Variants in RBBP5 observed in about 807,000 individuals in gnomAD.
The protein encoded by RBBP5 is retinoblastoma-binding protein 5.
Under a neutral mutation model 72.2 loss-of-function variants are expected in RBBP5, and 5 were observed. The observed-to-expected ratio is 0.07, with a 90% CI of 0.04 to 0.15. RBBP5 has a LOEUF of 0.15. Ranked by LOEUF, RBBP5 falls within the 10% of genes least tolerant of loss-of-function variation. RBBP5 has a pLI of 1.00. For synonymous variants in RBBP5, 209 were observed against 237.2 expected (o/e 0.88, Z 1.09); for missense variants, 322 against 652.2 (o/e 0.49, Z 5.51).
At position 205,093,552 on chromosome 1, in the gene RBBP5, A is replaced by ACG. The variant is rs1553352186; in HGVS notation, c.1588+1320_1588+1321insCG. Among the ~76,000 whole-genome samples, 464 of 66,350 alleles carry ACG rather than the reference A, an allele frequency of 7.0e-3. 107 individuals are homozygous for ACG. Among genetic ancestry groups the ACG allele is most frequent in the Non-Finnish European group, 0.015 (334 of 22,646 alleles). The allele number at this position is 66,350 out of a possible 152,430, so 43.5% of individuals were successfully genotyped here. ...TATATATACACACACACACACACAC[A>ACG]CACACACACACACACACAGCATTAT... On this transcript the variant is annotated intron_variant, in intron 13 of 13. Coordinates refer to ENST00000264515, the MANE Select transcript of RBBP5 (RefSeq NM_005057.4).
intron 3 of RBBP5, among the ~76,000 whole-genome samples, chr1:205,109,717 ATTC>A (rs1656229350): frequency 6.6e-6 from 1 of 152,366 alleles, no homozygotes; most frequent in South Asian, 2.1e-4. Flanking sequence ...AAAAAAATTT[ATTC>A]TTCAATTCCA....
At chr1:205,117,803 T>C (rs555337186) in intron 1 of RBBP5, among the ~76,000 whole-genome samples, 27 of 152,144 alleles carry the variant, frequency 1.8e-4, no homozygotes, top group Admixed American at 1.5e-3. Context: ...TGTACATATA[T>C]ATATATCCAT....
In RBBP5 at chr1:205,095,039, C is replaced by T. The variant is rs368515846; in HGVS notation, c.1422G>A (p.Lys474=). ...GCTTCTTCTTGGATTTGCCATCCCC[C>T]TTCACACCCAGTAGTGGATGGACTT... ...NDEVHPLLGV[K]GDGKSKKKQA... is the part of the protein sequence containing the mutation. The change falls in exon 13 of 14, where the codon AAG becomes AAA. Residue 474 remains lysine, a synonymous_variant. Coordinates refer to ENST00000264515, the MANE Select transcript of RBBP5 (RefSeq NM_005057.4). 1.9e-6 allele frequency: 3 copies of T among 1,614,010 alleles called. No homozygotes were observed. The highest frequency in any genetic ancestry group is 2.5e-6 in the Non-Finnish European group (3 of 1,180,024).
chr1:205,104,092 G>A lies in RBBP5; in HGVS notation c.360-73C>T, dbSNP rs2102294863. The A allele has an allele frequency of 8.5e-6, 13 of 1,526,710 alleles. No individual in the cohort carries two copies. The South Asian group carries it at 1.4e-4, about 17-fold the overall frequency. 94.6% of individuals were successfully genotyped at this position (1,526,710 alleles called of 1,614,324 possible). A position where few individuals can be genotyped will look rare whatever the true frequency, so the allele number is the denominator to read the frequency against. On this transcript the variant is annotated intron_variant, in intron 4 of 13. Coordinates refer to ENST00000264515, the MANE Select transcript of RBBP5 (RefSeq NM_005057.4). ...AAGCTGATTCCCTGTCCTTTTCCCT[G>A]ATCCCTGTCCATACCCTCATCAATT...
chr1:205,105,184 G>GAAAAAAAAA lies in RBBP5; in HGVS notation c.219-17_219-16insTTTTTTTTT. 4 of 1,603,946 alleles carry GAAAAAAAAA rather than the reference G, an allele frequency of 2.5e-6. No individual in the cohort carries two copies. In the South Asian group the frequency reaches 4.4e-5, roughly 18 times the overall value. On this transcript the variant is annotated splice_polypyrimidine_tract_variant and intron_variant, in intron 3 of 13. Transcript: ENST00000264515. The stretch of plus-strand genomic sequence containing the variant: ...TCGGCTCCAGCTGAGGAAAAAAAAG[G>GAAAAAAAAA]GGTAATTTAGCACATATTCTAAGTA...
intron 10 of RBBP5, among the ~76,000 whole-genome samples, chr1:205,098,458 C>A (rs1297933897): frequency 6.6e-6 from 1 of 152,108 alleles, no homozygotes; most frequent in Non-Finnish European, 1.5e-5. Flanking sequence ...CCTGGTAATA[C>A]CCATATAAGC....
intron 3 of RBBP5, among the ~76,000 whole-genome samples, chr1:205,112,318 A>T (rs2102320128): frequency 6.6e-6 from 1 of 152,266 alleles, no homozygotes; most frequent in East Asian, 1.9e-4. Context: ...ACTCTGTCTC[A>T]AAAAAATTAA....
intron 6 of RBBP5, among the ~76,000 whole-genome samples, chr1:205,100,587 G>T (rs536295017): frequency 6.0e-4 from 91 of 152,080 alleles, no homozygotes; most frequent in African/African-American, 2.1e-3. Flanking sequence ...TCTCTGGCCT[G>T]TTTTACACAT....
intron 13 of RBBP5, among the ~76,000 whole-genome samples, chr1:205,090,858 A>T (rs560139201): frequency 6.6e-6 from 1 of 152,270 alleles, no homozygotes; most frequent in South Asian, 2.1e-4. Context: ...AAGGAAAGGA[A>T]GGAAAAGAAG....
At chr1:205,121,664 C>T (rs997418079) in intron 1 of RBBP5, among the ~76,000 whole-genome samples, 191 bp downstream of exon 1, 1 of 152,176 alleles carries the variant, frequency 6.6e-6, no homozygotes, top group African/African-American at 2.4e-5. Context: ...AAAGTGGCCT[C>T]GGGAGGGGCA....
Position 205,095,191 on chromosome 1 carries a change from T to A in RBBP5, c.1397-127A>T, listed in dbSNP as rs182671079. The A allele has an allele frequency of 4.0e-5, 37 of 925,140 alleles. No individual in the cohort carries two copies. In the East Asian group the frequency reaches 9.8e-4, roughly 24 times the overall value. 57.3% of individuals were successfully genotyped at this position (925,140 alleles called of 1,614,324 possible). On this transcript the variant is annotated intron_variant, in intron 12 of 13. Transcript: ENST00000264515. ...AATTAATAATTATAAAGAGAAAAGT[T>A]TGTCTTATTTCTATAAGTATAAAAC...
intron 3 of RBBP5, among the ~76,000 whole-genome samples, chr1:205,111,529 A>G (rs1341492048): frequency 6.6e-6 from 1 of 152,196 alleles, no homozygotes; most frequent in Non-Finnish European, 1.5e-5. Context: ...AAACCTAAGA[A>G]TTATCTTAAC....
At chr1:205,111,249 C>A (rs1000270506) in intron 3 of RBBP5, among the ~76,000 whole-genome samples, 4 of 152,194 alleles carry the variant, frequency 2.6e-5, no homozygotes, top group Admixed American at 1.3e-4. Flanking sequence ...TTGGGCATCT[C>A]AGATGCTTAT....
intron 2 of RBBP5, 50 bp from the exon 3 acceptor site, chr1:205,115,011 C>T: frequency 6.8e-7 from 1 of 1,461,402 alleles, no homozygotes; most frequent in Non-Finnish European, 9.3e-7. Context: ...GCCAGGTATC[C>T]AAATTATTTC....
chr1:205,093,611 T>C (rs1303287026), intron 13 of RBBP5, among the ~76,000 whole-genome samples: 1 of 142,188 alleles, frequency 7.0e-6, no homozygotes, highest in Non-Finnish European at 1.5e-5. Flanking sequence ...CTTAGGTGGG[T>C]TGAATGTGGA....
intron 3 of RBBP5, among the ~76,000 whole-genome samples, chr1:205,112,145 C>G (rs879333803): frequency 6.6e-6 from 1 of 152,092 alleles, no homozygotes; most frequent in East Asian, 1.9e-4. Context: ...TGGCAAAACA[C>G]TGTCTCTACT....
intron 3 of RBBP5, among the ~76,000 whole-genome samples, chr1:205,109,895 AG>A (rs1656237684): frequency 6.6e-6 from 1 of 152,092 alleles, no homozygotes; most frequent in South Asian, 2.1e-4. Context: ...AAGCTCAGGC[AG>A]GAACAGCTCT....
intron 3 of RBBP5, among the ~76,000 whole-genome samples, chr1:205,108,209 C>T (rs1403860910): frequency 6.6e-6 from 1 of 151,202 alleles, no homozygotes; most frequent in Non-Finnish European, 1.5e-5. Flanking sequence ...CAGCATTGCA[C>T]TCCAGCCTGG....
intron 13 of RBBP5, among the ~76,000 whole-genome samples, chr1:205,093,190 T>C (rs536198315): frequency 4.6e-5 from 7 of 151,862 alleles, no homozygotes; most frequent in Non-Finnish European, 7.4e-5. Context: ...CCGGGCGTGA[T>C]AGCTCACACC....
Sources: allele counts gnomAD v4.1 joint callset (sites outside exome capture counted in the v4.1 genomes callset), GRCh38; gene constraint gnomAD v4.1.1; transcripts MANE v1.5; gene names NCBI Gene and HGNC (gene_info 2026-07-23, HGNC 2026-07-21).